DSC2: variants seen among roughly 807,000 people sequenced by gnomAD.
DSC2 encodes the protein desmocollin 2, also known as desmocollin-2.
A neutral mutation model predicts 87.6 loss-of-function variants in DSC2; 51 were observed. The observed-to-expected ratio is 0.58, with a 90% CI of 0.46 to 0.74. The LOEUF (loss-of-function observed/expected upper bound fraction) is 0.74. Among genes scored for constraint, DSC2 ranks in the 30% least tolerant of loss-of-function variants. The probability of loss-of-function intolerance (pLI) is 0.00; values close to 1 mark genes in which losing one functional copy is unlikely to be tolerated. For synonymous variants in DSC2, 383 were observed against 393.2 expected (o/e 0.97, Z 0.31); for missense variants, 1,066 against 1,089.5 (o/e 0.98, Z 0.30).
Position 31,067,909 on chromosome 18 carries a change from A to C in DSC2, c.*106T>G. ...AAAGAGATTCCATCCAAATAATGAG[A>C]GAAAAACCCCCACAAATAGCATCTT... On this transcript the variant is annotated 3_prime_UTR_variant, in exon 16 of 16. Transcript: ENST00000280904. 1 of 1,023,116 alleles carries C rather than the reference A, an allele frequency of 9.8e-7. No individual in the cohort carries two copies. Among genetic ancestry groups the C allele is most frequent in the East Asian group, 2.6e-5 (1 of 38,862 alleles). 63.4% of individuals were successfully genotyped at this position (1,023,116 alleles called of 1,614,324 possible). A position where few individuals can be genotyped will look rare whatever the true frequency, so the allele number is the denominator to read the frequency against.
chr18:31,092,442 T>C, intron 2 of DSC2, 142 bp from the exon 3 acceptor site: 1 of 699,372 alleles, frequency 1.4e-6, no homozygotes, highest in Middle Eastern at 3.9e-4. Flanking sequence ...CACATAAAAC[T>C]ATATGGTGAA....
rs145476705 is a variant in DSC2 at position 31,087,781 on chromosome 18, A to T, written c.663T>A (p.Tyr221Ter). 3 of 1,613,848 alleles carry T rather than the reference A, an allele frequency of 1.9e-6. No individual in the cohort carries two copies. In the African/African-American group the frequency reaches 4.0e-5, roughly 22 times the overall value. Reference protein sequence around the residue: ...IIAFATTPDGYTPELPLPLII... With the variant: ...IIAFATTPDG ...TTAGGGGCAGTGGAAGTTCTGGAGT[A>T]TACCCATCTGGAGTTGTTGCAAAGG... The change falls in exon 6 of 16, where the codon TAT becomes TAA. Residue 221 changes from tyrosine to a stop codon, truncating the protein, a stop_gained. Coordinates refer to ENST00000280904, the MANE Select transcript of DSC2 (RefSeq NM_024422.6). LOFTEE classifies it high-confidence loss of function.
chr18:31,082,541 C>A, intron 8 of DSC2, 118 bp from the exon 9 acceptor site: 1 of 937,142 alleles, frequency 1.1e-6, no homozygotes, highest in Non-Finnish European at 1.7e-6. Context: ...TGATTTGAAA[C>A]CCTAGCACTA....
intron 6 of DSC2, among the ~76,000 whole-genome samples, 164 bp from the exon 7 acceptor site, chr18:31,086,906 C>T (rs930685391): frequency 6.6e-6 from 1 of 152,174 alleles, no homozygotes; most frequent in African/African-American, 2.4e-5. Context: ...GTATCACTTC[C>T]TTTCAAATAT....
intron 8 of DSC2, 141 bp from the exon 9 acceptor site, chr18:31,082,564 T>C: frequency 1.2e-6 from 1 of 802,880 alleles, no homozygotes; most frequent in Non-Finnish European, 2.0e-6. Context: ...CAACTTTTAA[T>C]GTCACTGGGG....
At chr18:31,087,535 C>A in intron 6 of DSC2, 134 bp downstream of exon 6, 1 of 1,071,452 alleles carries the variant, frequency 9.3e-7, no homozygotes, top group South Asian at 1.3e-5. Flanking sequence ...GCTAGTGAAA[C>A]ACAGAGTAAA....
intron 1 of DSC2, chr18:31,101,125 G>A (rs1316782900): frequency 2.1e-6 from 2 of 951,844 alleles, no homozygotes; most frequent in African/African-American, 3.5e-5. Flanking sequence ...GTCGCCTCTG[G>A]GGACAAGAAA....
In DSC2 at chr18:31,065,036, A is replaced by T. The variant is rs1986580509; in HGVS notation, c.*2979T>A. The T allele has an allele frequency of 6.6e-6, 1 of 152,226 alleles. No homozygotes were observed. Among genetic ancestry groups the T allele is most frequent in the African/African-American group, 2.4e-5 (1 of 41,462 alleles). 9.4% of individuals were successfully genotyped at this position (152,226 alleles called of 1,614,324 possible). On this transcript the variant is annotated 3_prime_UTR_variant, in exon 16 of 16. Coordinates refer to ENST00000280904, the MANE Select transcript of DSC2 (RefSeq NM_024422.6). ...TTCATTTGCTGAAGAAGCACCAGCC[A>T]TTTCTTCGGGAAACTCTTTATGATT...
rs1986621248 is a variant in DSC2 at position 31,066,429 on chromosome 18, A to G, written c.*1586T>C. ...ATAAGAATTTTGTATATACTTTATT[A>G]AAAATAACTTTGGAAAACTATTTTT... On this transcript the variant is annotated 3_prime_UTR_variant, in exon 16 of 16. Coordinates refer to ENST00000280904, the MANE Select transcript of DSC2 (RefSeq NM_024422.6). 6.6e-6 allele frequency: 1 copy of G among 152,146 alleles called. No individual in the cohort carries two copies. The allele number at this position is 152,146 out of a possible 1,614,324, so 9.4% of individuals were successfully genotyped here.
In DSC2 at chr18:31,065,661, A is replaced by G. The variant is rs1986596571; in HGVS notation, c.*2354T>C. On this transcript the variant is annotated 3_prime_UTR_variant, in exon 16 of 16. Coordinates refer to ENST00000280904, the MANE Select transcript of DSC2 (RefSeq NM_024422.6). ...TGGACAGCTAGGGAAGAAGCCAAGG[A>G]AGGGATTGACAGGGAGAATCTAAAA... The G allele has an allele frequency of 6.6e-6, 1 of 152,222 alleles. No individual in the cohort carries two copies. The highest frequency in any genetic ancestry group is 2.1e-4 in the South Asian group (1 of 4,832). The allele number at this position is 152,222 out of a possible 1,614,324, so 9.4% of individuals were successfully genotyped here.
chr18:31,078,394 G>T (rs1036434402), intron 11 of DSC2, among the ~76,000 whole-genome samples: 2 of 152,066 alleles, frequency 1.3e-5, no homozygotes, highest in African/African-American at 4.8e-5. Context: ...GATAAGCAGT[G>T]CCCCATCTCA....
At chr18:31,093,272 T>A (rs888197779) in intron 2 of DSC2, among the ~76,000 whole-genome samples, 1 of 152,188 alleles carries the variant, frequency 6.6e-6, no homozygotes, top group Non-Finnish European at 1.5e-5. Flanking sequence ...GCATTAGCTA[T>A]TTTTCCTGAT....
rs901772923 is a variant in DSC2 at position 31,080,000 on chromosome 18, T to C, written c.1521-11A>G. The C allele has an allele frequency of 2.3e-5, 37 of 1,612,486 alleles. No individual in the cohort carries two copies. The highest frequency in any genetic ancestry group is 3.1e-5 in the Non-Finnish European group (37 of 1,179,178). On this transcript the variant is annotated splice_polypyrimidine_tract_variant and intron_variant, in intron 10 of 15. Coordinates refer to ENST00000280904, the MANE Select transcript of DSC2 (RefSeq NM_024422.6). ...GTTAATTTCTTATACCTGTTGGTAA[T>C]GATGAATTAAAATAATAAAATTTAT...
rs994117431 is a variant in DSC2 at position 31,074,434 on chromosome 18, T to TGTGC, written c.1888+248_1888+249insGCAC. Among the ~76,000 whole-genome samples, 675 of 73,206 alleles carry TGTGC rather than the reference T, an allele frequency of 9.2e-3. 5 individuals are homozygous for TGTGC. Among genetic ancestry groups the TGTGC allele is most frequent in the Middle Eastern group, 0.055 (9 of 164 alleles). The allele number at this position is 73,206 out of a possible 152,430, so 48.0% of individuals were successfully genotyped here. On this transcript the variant is annotated intron_variant, in intron 12 of 15. Coordinates refer to ENST00000280904, the MANE Select transcript of DSC2 (RefSeq NM_024422.6). ...GAAAGAGAAAAAATGTGTGTGTGTG[T>TGTGC]GTGTGTGTGTGTGTGTGTGTGTGTG...
Position 31,064,143 on chromosome 18 carries a change from A to T in DSC2, c.*3872T>A, listed in dbSNP as rs1402462374. 1 of 152,198 alleles carries T rather than the reference A, an allele frequency of 6.6e-6. No homozygotes were observed. The highest frequency in any genetic ancestry group is 2.4e-5 in the African/African-American group (1 of 41,450). 9.4% of individuals were successfully genotyped at this position (152,198 alleles called of 1,614,324 possible). On this transcript the variant is annotated 3_prime_UTR_variant, in exon 16 of 16. Coordinates refer to ENST00000280904, the MANE Select transcript of DSC2 (RefSeq NM_024422.6). ...TTGGATTGGGAGTAGCAGAAGCAGA[A>T]GTTCACTCACTAGTGTCCTGAAGTT...
In DSC2 at chr18:31,064,178, C is replaced by T. The variant is rs1182212277; in HGVS notation, c.*3837G>A. The T allele has an allele frequency of 1.3e-5, 2 of 152,180 alleles. No individual in the cohort carries two copies. The highest frequency in any genetic ancestry group is 1.5e-5 in the Non-Finnish European group (1 of 68,050). 9.4% of individuals were successfully genotyped at this position (152,180 alleles called of 1,614,324 possible). On this transcript the variant is annotated 3_prime_UTR_variant, in exon 16 of 16. Coordinates refer to ENST00000280904, the MANE Select transcript of DSC2 (RefSeq NM_024422.6). ...CTAGTGTCCTGAAGTTCTTTCACAT[C>T]ATCTGAAGCTTTTTAAAAACATGCA... is the stretch of plus-strand genomic sequence containing the variant.
chr18:31,088,892 G>A (rs1254981325), intron 5 of DSC2, among the ~76,000 whole-genome samples: 6 of 151,992 alleles, frequency 3.9e-5, no homozygotes, highest in Admixed American at 2.6e-4. Flanking sequence ...GGCCGGGCAC[G>A]GTGGCTCAGT....
At chr18:31,089,242 G>C (rs1160356949) in intron 5 of DSC2, among the ~76,000 whole-genome samples, 197 bp downstream of exon 5, 1 of 150,784 alleles carries the variant, frequency 6.6e-6, no homozygotes, top group Non-Finnish European at 1.5e-5. Context: ...CATAATACCA[G>C]GAACAATCTA....
chr18:31,076,965 A>G (rs1567975508), intron 11 of DSC2, among the ~76,000 whole-genome samples: 2 of 152,214 alleles, frequency 1.3e-5, no homozygotes, highest in African/African-American at 4.8e-5. Flanking sequence ...GTTGACTCAG[A>G]ATTTTAAACC....
Sources: allele counts gnomAD v4.1 joint callset (sites outside exome capture counted in the v4.1 genomes callset), GRCh38; gene constraint gnomAD v4.1.1; transcripts MANE v1.5; gene names NCBI Gene and HGNC (gene_info 2026-07-23, HGNC 2026-07-21).